LTV1: variants seen among roughly 807,000 people sequenced by gnomAD.
The protein encoded by LTV1 is LTV1 ribosome biogenesis factor.
LTV1 carries 39 observed loss-of-function variants against 59.9 expected under a neutral mutation model. The observed-to-expected ratio is 0.65, with a 90% CI of 0.50 to 0.85. The LOEUF is 0.85. Among genes scored for constraint, LTV1 ranks in the 40% least tolerant of loss-of-function variants. The pLI, the probability that LTV1 is intolerant of heterozygous loss-of-function variation, is 0.00. For synonymous variants in LTV1, 171 were observed against 189.5 expected (o/e 0.90, Z 0.80); for missense variants, 493 against 549.1 (o/e 0.90, Z 1.02).
rs976740843 is a variant in LTV1, at chr6:143,857,218, C to T, written c.398-85C>T. On this transcript the variant is annotated intron_variant, in intron 4 of 10. Coordinates refer to ENST00000367576, the MANE Select transcript of LTV1 (RefSeq NM_032860.5). The surrounding 1 kb of genome is among the most constrained non-coding windows in gnomAD (Gnocchi z 5.2). ...TCCTCAATATATTAATAGACTCTTGCTATCATAGGTCCTTATATTGTGAGT... is the reference window on the plus strand; with the variant it reads ...TCCTCAATATATTAATAGACTCTTGTTATCATAGGTCCTTATATTGTGAGT... 5.4e-6 allele frequency: 8 copies of T among 1,474,216 alleles called. No individual in the cohort carries two copies. In the Admixed American group the frequency reaches 1.5e-4, roughly 27 times the overall value. 91.3% of individuals were successfully genotyped at this position (1,474,216 alleles called of 1,614,324 possible). A position where few individuals can be genotyped will look rare whatever the true frequency, so the allele number is the denominator to read the frequency against.
At chr6:143,853,942 G>A (rs1777031804) in intron 4 of LTV1, among the ~76,000 whole-genome samples, 1 of 152,146 alleles carries the variant, frequency 6.6e-6, no homozygotes, top group African/African-American at 2.4e-5. Flanking sequence ...CCAGGTTTTG[G>A]TATCAGGATG....
Position 143,863,438 on chromosome 6 carries a change from G to A in LTV1, c.1339G>A (p.Ala447Thr), listed in dbSNP as rs1460370320. The A allele has an allele frequency of 1.2e-6, 2 of 1,613,542 alleles. No individual in the cohort carries two copies. The highest frequency in any genetic ancestry group is 1.7e-6 in the Non-Finnish European group (2 of 1,179,748). The change falls in exon 11 of 11, where the codon GCT becomes ACT. Residue 447 changes from alanine to threonine, a missense_variant. Ala to Thr is a moderately conservative substitution (Grantham distance 58, BLOSUM62 0). Coordinates refer to ENST00000367576, the MANE Select transcript of LTV1 (RefSeq NM_032860.5). This position sits in a 1 kb window ranked among gnomAD's most constrained non-coding sequence, Gnocchi z 4.5. ...ACAGGAACGAAGAGTGGAGAAGAAA[G>A]CTAACAAATTAGCATTTAAACTGGA... ...ERKERRVEKKANKLAFKLEKR... is the reference protein window; with the variant it reads ...ERKERRVEKKTNKLAFKLEKR...
At chr6:143,856,195 G>A (rs999179191) in intron 4 of LTV1, among the ~76,000 whole-genome samples, 2 of 151,914 alleles carry the variant, frequency 1.3e-5, no homozygotes, top group African/African-American at 4.8e-5. Context: ...ATCTTCAATC[G>A]CTGATGTCCT....
chr6:143,862,866 C>T lies in LTV1; in HGVS notation c.1086C>T (p.Asn362=), dbSNP rs760535047. 5 of 1,592,016 alleles carry T rather than the reference C, an allele frequency of 3.1e-6. No homozygotes were observed. The Admixed American group carries it at 8.3e-5, about 27-fold the overall frequency. Residue 362 remains asparagine (N), a synonymous_variant, in exon 9 of 11, where the codon AAC becomes AAT. Transcript: ENST00000367576. The surrounding 1 kb of genome is among the most constrained non-coding windows in gnomAD (Gnocchi z 4.2). ...SICSTYSNLY[N]HPQLIKYQPK... ...TAGGTACATACTCAAATTTATATAA[C>T]CATCCACAGCTTATCAAGTATCAAC... is the stretch of plus-strand genomic sequence containing the variant.
chr6:143,843,569 C>T (rs1254613317), intron 1 of LTV1, 89 bp downstream of exon 1: 4 of 1,550,900 alleles, frequency 2.6e-6, no homozygotes, highest in Non-Finnish European at 3.5e-6. Flanking sequence ...TACTGCGGCC[C>T]GGGTCTGGGT....
chr6:143,856,979 G>A (rs1172504618), intron 4 of LTV1, among the ~76,000 whole-genome samples: 2 of 152,236 alleles, frequency 1.3e-5, no homozygotes, highest in Non-Finnish European at 2.9e-5. Flanking sequence ...GAGATCCGCT[G>A]CTCTCTTCAG....
chr6:143,858,120 T>C (rs1777109632), intron 6 of LTV1, 113 bp downstream of exon 6: 4 of 980,764 alleles, frequency 4.1e-6, no homozygotes, highest in Middle Eastern at 2.2e-4. Flanking sequence ...AAGTCAATCA[T>C]AGGAAGTTTA....
intron 2 of LTV1, among the ~76,000 whole-genome samples, chr6:143,845,556 T>C (rs1776877363): frequency 6.6e-6 from 1 of 152,082 alleles, no homozygotes; most frequent in Non-Finnish European, 1.5e-5. Context: ...TTAAAATTAT[T>C]TTGTAGAAAC....
At chr6:143,854,321 CT>C (rs1489927558) in intron 4 of LTV1, among the ~76,000 whole-genome samples, 4 of 152,030 alleles carry the variant, frequency 2.6e-5, no homozygotes, top group Non-Finnish European at 5.9e-5. Flanking sequence ...TTTATTGTGT[CT>C]ATTTGATTCT....
Position 143,862,378 on chromosome 6 carries a change from A to T in LTV1, c.1063+135A>T. ...GGCGGGTGGGTCACCTGATGTCAGGAGTTCAAGACCAGCCTGGCCAACATG... is the reference window on the plus strand; with the variant it reads ...GGCGGGTGGGTCACCTGATGTCAGGTGTTCAAGACCAGCCTGGCCAACATG... On this transcript the variant is annotated intron_variant, in intron 8 of 10. Coordinates refer to ENST00000367576, the MANE Select transcript of LTV1 (RefSeq NM_032860.5). This position sits in a 1 kb window ranked among gnomAD's most constrained non-coding sequence, Gnocchi z 4.2. 2 of 662,812 alleles carry T rather than the reference A, an allele frequency of 3.0e-6. No individual in the cohort carries two copies. Among genetic ancestry groups the T allele is most frequent in the Admixed American group, 3.1e-5 (1 of 32,274 alleles). 41.1% of individuals were successfully genotyped at this position (662,812 alleles called of 1,614,324 possible).
chr6:143,850,119 T>A lies in LTV1; in HGVS notation c.310-12T>A. On this transcript the variant is annotated splice_polypyrimidine_tract_variant and intron_variant, in intron 3 of 10. Coordinates refer to ENST00000367576, the MANE Select transcript of LTV1 (RefSeq NM_032860.5). ...CAAATAAACCTAACCATTGTGCAAT[T>A]TCTTTTTCAAGAGCACTGGAATTAA... The A allele has an allele frequency of 1.9e-6, 3 of 1,609,192 alleles. No individual in the cohort carries two copies. Among genetic ancestry groups the A allele is most frequent in the Non-Finnish European group, 2.5e-6 (3 of 1,176,652 alleles).
rs532398840 is a variant in LTV1 at position 143,860,508 on chromosome 6, G to A, written c.878G>A (p.Arg293His). Residue 293 changes from arginine (R) to histidine (H), a missense_variant, in exon 7 of 11, where the codon CGC (arginine) becomes CAC (histidine). Arg to His is a conservative substitution (Grantham distance 29, BLOSUM62 0). Coordinates refer to ENST00000367576, the MANE Select transcript of LTV1 (RefSeq NM_032860.5). ...LEGSIQVDSN[R>H]LQEVLNDYYK... ...GGTTCTATTCAAGTGGACAGCAATC[G>A]CTTACAGGAAGTTTTGAATGACTAC... The A allele has an allele frequency of 1.2e-5, 20 of 1,613,656 alleles. No individual in the cohort carries two copies. The highest frequency in any genetic ancestry group is 1.6e-5 in the Non-Finnish European group (19 of 1,179,768).
At chr6:143,860,596 A>T (rs933872954) in intron 7 of LTV1, 43 bp downstream of exon 7, 11 of 1,536,528 alleles carry the variant, frequency 7.2e-6, no homozygotes, top group African/African-American at 2.8e-5. Context: ...TCTTTTTTTT[A>T]AAAAAGAAAA....
In LTV1 at chr6:143,857,158, C is replaced by A; in HGVS notation, c.398-145C>A. 2 of 965,330 alleles carry A rather than the reference C, an allele frequency of 2.1e-6. No individual in the cohort carries two copies. Among genetic ancestry groups the A allele is most frequent in the Non-Finnish European group, 3.1e-6 (2 of 642,776 alleles). 59.8% of individuals were successfully genotyped at this position (965,330 alleles called of 1,614,324 possible). A position where few individuals can be genotyped will look rare whatever the true frequency, so the allele number is the denominator to read the frequency against. On this transcript the variant is annotated intron_variant, in intron 4 of 10. Transcript: ENST00000367576. This position sits in a 1 kb window ranked among gnomAD's most constrained non-coding sequence, Gnocchi z 5.2. Reference sequence around the variant, plus strand: ...CTTGGAGTGTTCATTCTTTATTCTTCACTAGACTGAACTTAGTTCTTAATC... The same window carrying A: ...CTTGGAGTGTTCATTCTTTATTCTTAACTAGACTGAACTTAGTTCTTAATC...
rs1777212889 is a variant in LTV1 at position 143,863,581 on chromosome 6, A to G, written c.*54A>G. The G allele has an allele frequency of 2.5e-6, 3 of 1,181,002 alleles. No homozygotes were observed. Among genetic ancestry groups the G allele is most frequent in the Non-Finnish European group, 2.4e-6 (2 of 832,898 alleles). The allele number at this position is 1,181,002 out of a possible 1,614,324, so 73.2% of individuals were successfully genotyped here. A position where few individuals can be genotyped will look rare whatever the true frequency, so the allele number is the denominator to read the frequency against. ...TATTAGGGGCTCCTCATCTTTGGTT[A>G]TTGACTAGAAACTTCAGAAAGACAA... On this transcript the variant is annotated 3_prime_UTR_variant, in exon 11 of 11. Coordinates refer to ENST00000367576, the MANE Select transcript of LTV1 (RefSeq NM_032860.5). The surrounding 1 kb of genome is among the most constrained non-coding windows in gnomAD (Gnocchi z 4.5).
chr6:143,844,797 G>A (rs957189118), intron 2 of LTV1, among the ~76,000 whole-genome samples, 180 bp downstream of exon 2: 3 of 151,794 alleles, frequency 2.0e-5, no homozygotes, highest in Non-Finnish European at 4.4e-5. Flanking sequence ...GAGCCACCAC[G>A]CCTTGCTATG....
chr6:143,849,523 C>G (rs1776947605), intron 3 of LTV1, among the ~76,000 whole-genome samples: 1 of 152,002 alleles, frequency 6.6e-6, no homozygotes, highest in Non-Finnish European at 1.5e-5. Context: ...CTCATGGGAT[C>G]TGAGGGATAA....
At chr6:143,850,744 C>A (rs1776968708) in intron 4 of LTV1, among the ~76,000 whole-genome samples, 1 of 152,182 alleles carries the variant, frequency 6.6e-6, no homozygotes, top group South Asian at 2.1e-4. Flanking sequence ...TTAACTAACA[C>A]CTGTCCTGTG....
chr6:143,861,909 T>G (rs1037156095), intron 7 of LTV1, among the ~76,000 whole-genome samples, 195 bp from the exon 8 acceptor site: 3 of 152,156 alleles, frequency 2.0e-5, no homozygotes, highest in African/African-American at 7.2e-5. Flanking sequence ...CGAGTGAATG[T>G]CCAAAACTCA....
Sources: allele counts gnomAD v4.1 joint callset (sites outside exome capture counted in the v4.1 genomes callset), GRCh38; gene constraint gnomAD v4.1.1; non-coding constraint Gnocchi (gnomAD v3.1); transcripts MANE v1.5; gene names NCBI Gene and HGNC (gene_info 2026-07-23, HGNC 2026-07-21).